The following CNTN1 variants were observed in gnomAD, a reference collection of about 807,000 sequenced individuals.
The protein encoded by CNTN1 is contactin 1.
A neutral mutation model predicts 126.4 loss-of-function variants in CNTN1; 38 were observed. That is an observed-to-expected ratio of 0.30 (90% CI 0.23 to 0.39). The LOEUF is 0.39. Ranked by LOEUF, CNTN1 falls within the 10% of genes least tolerant of loss-of-function variation. The pLI, the probability that CNTN1 is intolerant of heterozygous loss-of-function variation, is 1.00. For missense variants in CNTN1, 1,009 were observed against 1,248.4 expected (o/e 0.81, Z 2.89); for synonymous variants, 413 against 422.6 (o/e 0.98, Z 0.28).
intron 15 of CNTN1, among the ~76,000 whole-genome samples, chr12:40,976,543 GAA>G (rs200937107): frequency 4.7e-5 from 5 of 105,704 alleles, no homozygotes; most frequent in African/African-American, 1.7e-4. Flanking sequence ...ACTAAAAAAA[GAA>G]AAAAAAAAAA....
intron 14 of CNTN1, among the ~76,000 whole-genome samples, chr12:40,954,461 GA>G (rs1447046106): frequency 1.3e-5 from 2 of 151,658 alleles, no homozygotes; most frequent in Non-Finnish European, 2.9e-5. Context: ...CTCTATATAT[GA>G]ATCTTATTCT....
intron 1 of CNTN1, among the ~76,000 whole-genome samples, chr12:40,781,710 G>A (rs777955836): frequency 4.6e-5 from 7 of 151,960 alleles, no homozygotes; most frequent in Non-Finnish European, 8.8e-5. Context: ...AAAGCAACAT[G>A]ATCAAGTGAA....
chr12:40,904,180 A>AG (rs1944719964), intron 1 of CNTN1, among the ~76,000 whole-genome samples: 1 of 151,682 alleles, frequency 6.6e-6, no homozygotes, highest in Non-Finnish European at 1.5e-5. Flanking sequence ...CACCACGCAC[A>AG]GCTAATTTTT....
intron 1 of CNTN1, among the ~76,000 whole-genome samples, chr12:40,854,466 G>T (rs938242259): frequency 2.0e-5 from 3 of 151,982 alleles, no homozygotes; most frequent in African/African-American, 4.8e-5. Flanking sequence ...TTTGGTCATG[G>T]TTTTTTAAAG....
intron 16 of CNTN1, among the ~76,000 whole-genome samples, chr12:40,982,021 A>G (rs1398704531): frequency 6.6e-6 from 1 of 152,006 alleles, no homozygotes; most frequent in Non-Finnish European, 1.5e-5. Flanking sequence ...CATTTCCAAA[A>G]TGCCTATATT....
At chr12:40,999,855 A>G (rs1287301600) in intron 17 of CNTN1, among the ~76,000 whole-genome samples, 3 of 151,492 alleles carry the variant, frequency 2.0e-5, no homozygotes, top group African/African-American at 7.3e-5. Flanking sequence ...GGCGCTCACC[A>G]CCACGCCCAG....
At chr12:40,802,635 A>G (rs1001245648) in intron 1 of CNTN1, among the ~76,000 whole-genome samples, 1 of 151,962 alleles carries the variant, frequency 6.6e-6, no homozygotes, top group African/African-American at 2.4e-5. Flanking sequence ...CGTAAGATGT[A>G]TGTCTGATGA....
intron 1 of CNTN1, among the ~76,000 whole-genome samples, chr12:40,786,263 T>A (rs762194389): frequency 6.6e-6 from 1 of 152,194 alleles, no homozygotes; most frequent in Admixed American, 6.5e-5. Flanking sequence ...ACTCAGCTTC[T>A]AAAGGCCAAA....
chr12:40,834,568 C>T (rs1014556948), intron 1 of CNTN1, among the ~76,000 whole-genome samples: 3 of 152,006 alleles, frequency 2.0e-5, no homozygotes, highest in Middle Eastern at 3.2e-3. Flanking sequence ...CAGGGAGAGC[C>T]GCTGGGTGAC....
intron 15 of CNTN1, among the ~76,000 whole-genome samples, chr12:40,973,992 G>T (rs1013033578): frequency 6.6e-6 from 1 of 152,058 alleles, no homozygotes; most frequent in African/African-American, 2.4e-5. Flanking sequence ...TTTATATATT[G>T]TTTTCTCACT....
chr12:41,057,589 A>G (rs567524057), intron 23 of CNTN1, among the ~76,000 whole-genome samples: 30 of 152,156 alleles, frequency 2.0e-4, no homozygotes, highest in Admixed American at 6.6e-4. Flanking sequence ...TTTAGTGGAT[A>G]TTGGTTTAGA....
At chr12:40,970,409 A>G (rs1002181004) in intron 15 of CNTN1, among the ~76,000 whole-genome samples, 2 of 152,168 alleles carry the variant, frequency 1.3e-5, no homozygotes, top group African/African-American at 4.8e-5. Flanking sequence ...CAAATGTCTT[A>G]CGACCTTTTT....
intron 1 of CNTN1, among the ~76,000 whole-genome samples, chr12:40,844,350 G>A (rs1170775802): frequency 6.6e-6 from 1 of 152,086 alleles, no homozygotes; most frequent in East Asian, 1.9e-4. Context: ...ACAGGCATGA[G>A]CCACCACGCC....
At chr12:41,007,133 C>T (rs1464057879) in intron 17 of CNTN1, among the ~76,000 whole-genome samples, 1 of 135,346 alleles carries the variant, frequency 7.4e-6, no homozygotes, top group East Asian at 2.4e-4. Context: ...GATCTCGGCT[C>T]ACTGCAAGCT....
Position 40,807,145 on chromosome 12 carries a change from C to T in CNTN1, c.-76-101212C>T, listed in dbSNP as rs188030967. On this transcript the variant is annotated intron_variant, in intron 1 of 23. Coordinates refer to ENST00000551295, the MANE Select transcript of CNTN1 (RefSeq NM_001843.4). Reference sequence around the variant, plus strand: ...ATGGATACTTACCTTGGGCTGGGATCGAGAAGCATAAAATCCCTGGAAATG... The same window carrying T: ...ATGGATACTTACCTTGGGCTGGGATTGAGAAGCATAAAATCCCTGGAAATG... 2.1e-3 allele frequency among the ~76,000 whole-genome samples: 325 copies of T among 152,066 alleles called. 1 individual carries two copies. Among genetic ancestry groups the T allele is most frequent in the African/African-American group, 7.2e-3 (300 of 41,484 alleles).
chr12:40,912,830 T>C (rs1945091672), intron 3 of CNTN1, among the ~76,000 whole-genome samples: 1 of 152,238 alleles, frequency 6.6e-6, no homozygotes, highest in African/African-American at 2.4e-5. Context: ...GACCTGTCTC[T>C]ATTTTGATCT....
intron 14 of CNTN1, among the ~76,000 whole-genome samples, chr12:40,946,908 C>T (rs891108593): frequency 6.6e-6 from 1 of 151,916 alleles, no homozygotes; most frequent in African/African-American, 2.4e-5. Context: ...TTTGCTCCTA[C>T]TTATGAATAA....
In CNTN1 at chr12:41,003,060, G is replaced by A. The variant is rs1948404380; in HGVS notation, c.2113+9791G>A. ...AATGATTCCAGCTTTTGCCCATTCA[G>A]TATGATGTTGGCTCCGGGTTTGTCA... On this transcript the variant is annotated intron_variant, in intron 17 of 23. Coordinates refer to ENST00000551295, the MANE Select transcript of CNTN1 (RefSeq NM_001843.4). Among the ~76,000 whole-genome samples the A allele has an allele frequency of 2.0e-5, 3 of 152,146 alleles. No homozygotes were observed. In the South Asian group the frequency reaches 6.2e-4, roughly 32 times the overall value.
At chr12:40,865,268 T>G (rs771338478) in intron 1 of CNTN1, among the ~76,000 whole-genome samples, 2 of 152,300 alleles carry the variant, frequency 1.3e-5, no homozygotes, top group South Asian at 4.1e-4. Context: ...GATATATGTC[T>G]TGCAAATATT....
Sources: gnomAD v4.1 joint callset for allele counts (sites outside exome capture counted in the v4.1 genomes callset) on GRCh38, gnomAD v4.1.1 for gene constraint, MANE v1.5 for transcripts, NCBI Gene and HGNC (gene_info 2026-07-23, HGNC 2026-07-21) for gene names.